The following TTC23L variants were observed in gnomAD, a reference collection of about 807,000 sequenced individuals.
TTC23L encodes tetratricopeptide repeat protein 23-like.
Under a neutral mutation model 48.1 loss-of-function variants are expected in TTC23L, and 42 were observed. The ratio of observed to expected loss-of-function variants is 0.87; its 90% confidence interval spans 0.68 to 1.13. The LOEUF (loss-of-function observed/expected upper bound fraction) is 1.13. Among genes scored for constraint, TTC23L ranks in the 50% most tolerant of loss-of-function variants. The probability of loss-of-function intolerance (pLI) is 0.00; values close to 1 mark genes in which losing one functional copy is unlikely to be tolerated. For missense variants in TTC23L, 391 were observed against 421.0 expected (o/e 0.93, Z 0.62); for synonymous variants, 159 against 157.2 (o/e 1.01, Z -0.09).
the TTC23L span, chr5:34,924,962 A>G: frequency 1.2e-6 from 2 of 1,613,232 alleles, no homozygotes; most frequent in Non-Finnish European, 1.7e-6. Context: ...CCTCACTACC[A>G]GTCACCAAAC....
At chr5:34,886,502 G>A (rs1392274235) in intron 9 of TTC23L, among the ~76,000 whole-genome samples, 3 of 152,184 alleles carry the variant, frequency 2.0e-5, no homozygotes, top group African/African-American at 7.2e-5. Context: ...GGCAGGATCT[G>A]CTTTGCCAAA....
the TTC23L span, chr5:34,914,086 A>G: frequency 2.3e-6 from 1 of 433,432 alleles, no homozygotes. Context: ...CATGCTGTGC[A>G]CTTACGTGTT....
intron 4 of TTC23L, among the ~76,000 whole-genome samples, chr5:34,862,555 C>T (rs1760754881): frequency 6.6e-6 from 1 of 152,104 alleles, no homozygotes; most frequent in Non-Finnish European, 1.5e-5. Flanking sequence ...GAATAGGATA[C>T]TCACCTTCCA....
chr5:34,848,312 C>A (rs1487129317), intron 3 of TTC23L, among the ~76,000 whole-genome samples: 1 of 152,100 alleles, frequency 6.6e-6, no homozygotes, highest in Non-Finnish European at 1.5e-5. Flanking sequence ...GAGAGCTCTA[C>A]CTGTCATTTC....
At chr5:34,916,773 A>T in the TTC23L span, 1 of 152,260 alleles carries the variant, frequency 6.6e-6, no homozygotes, top group African/African-American at 2.4e-5. Flanking sequence ...AAGCTCTAAG[A>T]AAGAAGTGAG....
chr5:34,897,032 A>C (rs1428905429), intron 10 of TTC23L, among the ~76,000 whole-genome samples, 157 bp downstream of exon 10: 1 of 152,112 alleles, frequency 6.6e-6, no homozygotes, highest in Non-Finnish European at 1.5e-5. Context: ...AACAAAAAAA[A>C]CAGGTTTAAA....
At chr5:34,917,754 CTAAG>C in the TTC23L span, among the ~76,000 whole-genome samples, 1 of 152,036 alleles carries the variant, frequency 6.6e-6, no homozygotes, top group Non-Finnish European at 1.5e-5. Flanking sequence ...ATATAAGACT[CTAAG>C]TAAGTGCAGT....
the TTC23L span, chr5:34,911,768 G>A: frequency 6.2e-7 from 1 of 1,613,990 alleles, no homozygotes; most frequent in Non-Finnish European, 8.5e-7. Flanking sequence ...AGCATCAAAG[G>A]GTAACCATAA....
downstream of TTC23L, among the ~76,000 whole-genome samples, chr5:34,903,106 G>A (rs1425727534): frequency 6.6e-6 from 1 of 152,020 alleles, no homozygotes; most frequent in Non-Finnish European, 1.5e-5. Flanking sequence ...ATAACACTGT[G>A]AAATAAAATT....
chr5:34,873,093 G>A (rs749488494), intron 8 of TTC23L, among the ~76,000 whole-genome samples: 6 of 151,436 alleles, frequency 4.0e-5, no homozygotes, highest in Non-Finnish European at 7.4e-5. Context: ...AAAAAGGACC[G>A]GACTATATCT....
At chr5:34,880,580 G>A (rs922680019) in intron 9 of TTC23L, 22 of 440,610 alleles carry the variant, frequency 5.0e-5, no homozygotes, top group Non-Finnish European at 7.9e-5. Context: ...AGAGGGACTC[G>A]ATATTGATGG....
intron 7 of TTC23L, 144 bp from the exon 8 acceptor site, chr5:34,868,761 C>A (rs1365159735): frequency 8.9e-6 from 6 of 677,490 alleles, no homozygotes; most frequent in Admixed American, 2.2e-5. Flanking sequence ...ATTATATATT[C>A]CTTCTACGAA....
intron 9 of TTC23L, among the ~76,000 whole-genome samples, chr5:34,891,570 A>G (rs910592221): frequency 3.3e-5 from 5 of 152,200 alleles, no homozygotes; most frequent in East Asian, 1.9e-4. Context: ...CACTATTACC[A>G]TAGGTTAGTT....
chr5:34,922,440 A>G, the TTC23L span: 2 of 921,230 alleles, frequency 2.2e-6, no homozygotes, highest in Admixed American at 2.4e-5. Context: ...AAGAAAATTA[A>G]ATGTATAAAT....
chr5:34,857,403 GA>G (rs2150378851), intron 4 of TTC23L, among the ~76,000 whole-genome samples: 1 of 152,268 alleles, frequency 6.6e-6, no homozygotes, highest in African/African-American at 2.4e-5. Flanking sequence ...TCCAGAAAAA[GA>G]AGCCTAAGTC....
intron 1 of TTC23L, chr5:34,839,772 G>A (rs1264708457): frequency 4.6e-6 from 2 of 433,280 alleles, no homozygotes; most frequent in African/African-American, 4.3e-5. Context: ...TTTGATTTAA[G>A]CGACTGGCAT....
At chr5:34,892,074 G>T (rs1292221537) in intron 9 of TTC23L, among the ~76,000 whole-genome samples, 1 of 152,178 alleles carries the variant, frequency 6.6e-6, no homozygotes, top group Admixed American at 6.5e-5. Context: ...AAACCATGGG[G>T]GTAACTGCCA....
At chr5:34,891,189 TAA>T (rs1762846540) in intron 9 of TTC23L, among the ~76,000 whole-genome samples, 1 of 152,200 alleles carries the variant, frequency 6.6e-6, no homozygotes, top group South Asian at 2.1e-4. Flanking sequence ...AATGTTAAAA[TAA>T]GAGGCTTCTT....
chr5:34,923,467 G>A, the TTC23L span: 12 of 489,928 alleles, frequency 2.4e-5, no homozygotes, highest in African/African-American at 9.7e-5. Context: ...TAGTAGAGAC[G>A]GGGTTTCGCC....
Sources: gnomAD v4.1 joint callset for allele counts (sites outside exome capture counted in the v4.1 genomes callset) on GRCh38, gnomAD v4.1.1 for gene constraint, MANE v1.5 for transcripts, NCBI Gene and HGNC (gene_info 2026-07-23, HGNC 2026-07-21) for gene names.